Variants in ARAP2 observed in about 807,000 individuals in gnomAD.
ARAP2 encodes the protein arf-GAP with Rho-GAP domain, ANK repeat and PH domain-containing protein 2.
A neutral mutation model predicts 194.5 loss-of-function variants in ARAP2; 148 were observed. The observed-to-expected ratio is 0.76, with a 90% CI of 0.67 to 0.87. The LOEUF (loss-of-function observed/expected upper bound fraction) is 0.87, where lower values mean the gene tolerates loss of function less well. Among genes scored for constraint, ARAP2 ranks in the 40% least tolerant of loss-of-function variants. The probability of loss-of-function intolerance (pLI) is 0.00; values close to 1 mark genes in which losing one functional copy is unlikely to be tolerated. For missense variants in ARAP2, 2,128 were observed against 1,989.7 expected (o/e 1.07, Z -1.32); for synonymous variants, 695 against 683.5 (o/e 1.02, Z -0.26).
At chr4:36,198,060 GT>G (rs1168074902) in intron 6 of ARAP2, among the ~76,000 whole-genome samples, 2 of 152,206 alleles carry the variant, frequency 1.3e-5, no homozygotes, top group African/African-American at 4.8e-5. Context: ...TTCTTGTGCT[GT>G]GTCCAGAAAG....
chr4:36,213,584 A>G (rs574653289), intron 3 of ARAP2, among the ~76,000 whole-genome samples: 2 of 151,986 alleles, frequency 1.3e-5, no homozygotes, highest in African/African-American at 4.8e-5. Context: ...GTCCTTCCCA[A>G]CCTCTAGGAT....
At chr4:36,038,535 A>G (rs1434208873) in intron 5 of ARAP2, among the ~76,000 whole-genome samples, 1 of 152,202 alleles carries the variant, frequency 6.6e-6, no homozygotes, top group Non-Finnish European at 1.5e-5. Flanking sequence ...GGCAACAGTT[A>G]TTTATATTTT....
intron 24 of ARAP2, among the ~76,000 whole-genome samples, chr4:36,118,477 T>C (rs937869768): frequency 6.6e-6 from 1 of 151,368 alleles, no homozygotes; most frequent in Non-Finnish European, 1.5e-5. Flanking sequence ...TTTCCCAGAC[T>C]CTTTTACTTA....
At chr4:36,112,379 G>T (rs1720220528) in intron 26 of ARAP2, among the ~76,000 whole-genome samples, 1 of 151,912 alleles carries the variant, frequency 6.6e-6, no homozygotes, top group Non-Finnish European at 1.5e-5. Flanking sequence ...TGAACATCAT[G>T]AAGGAAGAGA....
In ARAP2 at chr4:36,142,593, T is replaced by C. The variant is rs58978181; in HGVS notation, c.3263+4703A>G. ...ATGGAGTATGTATTCTCACTAGGCA[T>C]GTCCTTCTGTCAGCACTTGACATTT... On this transcript the variant is annotated intron_variant, in intron 19 of 32. Transcript: ENST00000303965. Among the ~76,000 whole-genome samples the C allele has an allele frequency of 6.3e-3, 958 of 151,752 alleles. 12 individuals are homozygous for C. Among genetic ancestry groups the C allele is most frequent in the African/African-American group, 0.022 (906 of 41,476 alleles).
intron 3 of ARAP2, among the ~76,000 whole-genome samples, chr4:36,047,709 T>C (rs1357189762): frequency 6.6e-6 from 1 of 152,212 alleles, no homozygotes; most frequent in Non-Finnish European, 1.5e-5. Context: ...TCACATATCT[T>C]AAGATCCAGA....
intron 21 of ARAP2, 87 bp downstream of exon 21, chr4:36,128,446 A>G: frequency 9.8e-7 from 1 of 1,022,646 alleles, no homozygotes; most frequent in South Asian, 1.9e-5. Flanking sequence ...TCTAAGTATT[A>G]AAAGGCAAGC....
At chr4:36,218,292 GAAC>G (rs1748416874) in intron 2 of ARAP2, among the ~76,000 whole-genome samples, 1 of 152,010 alleles carries the variant, frequency 6.6e-6, no homozygotes, top group Admixed American at 6.6e-5. Context: ...ACAAAAGAGG[GAAC>G]AACAGACACT....
intron 27 of ARAP2, among the ~76,000 whole-genome samples, chr4:36,103,757 C>T (rs905962574): frequency 6.6e-6 from 1 of 151,736 alleles, no homozygotes; most frequent in South Asian, 2.1e-4. Context: ...ATTATGTTAC[C>T]TCCTTACCTT....
At chr4:36,114,341 T>C in intron 25 of ARAP2, 54 bp from the exon 26 acceptor site, 2 of 1,092,664 alleles carry the variant, frequency 1.8e-6, no homozygotes, top group Non-Finnish European at 2.7e-6. Flanking sequence ...GAAGTAGCCT[T>C]ATGCTAGGTC....
chr4:36,047,566 C>T (rs1010359234), intron 3 of ARAP2, among the ~76,000 whole-genome samples: 3 of 152,098 alleles, frequency 2.0e-5, no homozygotes, highest in African/African-American at 7.2e-5. Flanking sequence ...ATCAGAAACC[C>T]CAATTCTATG....
rs750285910 is a variant in ARAP2, at chr4:36,121,166, A to C, written c.3894+13T>G. On this transcript the variant is annotated intron_variant, in intron 23 of 32. Coordinates refer to ENST00000303965, the MANE Select transcript of ARAP2 (RefSeq NM_015230.4). ...ATAACCATTTTAACAAGGGCAGGATACAAAATAATTACCTCAAATATTTCT... is the reference window on the plus strand; with the variant it reads ...ATAACCATTTTAACAAGGGCAGGATCCAAAATAATTACCTCAAATATTTCT... 5.0e-5 allele frequency: 78 copies of C among 1,572,156 alleles called. No homozygotes were observed. Among genetic ancestry groups the C allele is most frequent in the Non-Finnish European group, 6.0e-5 (69 of 1,153,598 alleles).
intron 13 of ARAP2, 36 bp from the exon 14 acceptor site, chr4:36,159,541 G>C (rs1733424067): frequency 7.0e-7 from 1 of 1,433,232 alleles, no homozygotes; most frequent in African/African-American, 1.4e-5. Flanking sequence ...CTTAAGGAAA[G>C]AAAATAAGAT....
At chr4:36,093,546 C>T (rs932478718) in intron 27 of ARAP2, among the ~76,000 whole-genome samples, 2 of 151,984 alleles carry the variant, frequency 1.3e-5, no homozygotes, top group African/African-American at 4.8e-5. Context: ...TCATTTTACA[C>T]ACGATAATAC....
Position 36,148,519 on chromosome 4 carries a change from A to G in ARAP2, c.2898-12T>C. The G allele has an allele frequency of 6.3e-7, 1 of 1,592,650 alleles. No homozygotes were observed. Among genetic ancestry groups the G allele is most frequent in the South Asian group, 1.1e-5 (1 of 89,932 alleles). ...AGATAAAGATGGGCCTAAAACATGC[A>G]CAAATAAAAAGATACTACCAGTTAT... On this transcript the variant is annotated splice_polypyrimidine_tract_variant and intron_variant, in intron 16 of 32. Coordinates refer to ENST00000303965, the MANE Select transcript of ARAP2 (RefSeq NM_015230.4).
intron 19 of ARAP2, among the ~76,000 whole-genome samples, chr4:36,144,882 C>T (rs1729259273): frequency 6.6e-6 from 1 of 151,944 alleles, no homozygotes; most frequent in South Asian, 2.1e-4. Flanking sequence ...ATAAAGACGA[C>T]ACAGATGAAT....
chr4:36,046,261 G>A (rs1721816658), intron 4 of ARAP2, among the ~76,000 whole-genome samples: 1 of 152,148 alleles, frequency 6.6e-6, no homozygotes, highest in Non-Finnish European at 1.5e-5. Context: ...ACAGCTCACT[G>A]CAGCTCCACT....
At chr4:36,062,367 G>A (rs1724584523), downstream of ARAP2, among the ~76,000 whole-genome samples, 1 of 152,150 alleles carries the variant, frequency 6.6e-6, no homozygotes, top group South Asian at 2.1e-4. Context: ...TACTGTGAGT[G>A]CTCATCTGAG....
At chr4:36,229,736 G>A in intron 1 of ARAP2, 91 bp from the exon 2 acceptor site, 1 of 308,330 alleles carries the variant, frequency 3.2e-6, no homozygotes, top group South Asian at 7.1e-5. Flanking sequence ...GCAGAAATTA[G>A]GACACTAACT....
Sources: gnomAD v4.1 joint callset for allele counts (sites outside exome capture counted in the v4.1 genomes callset) on GRCh38, gnomAD v4.1.1 for gene constraint, MANE v1.5 for transcripts, NCBI Gene and HGNC (gene_info 2026-07-23, HGNC 2026-07-21) for gene names.